Variants in OXNAD1 observed in about 807,000 individuals in gnomAD.
OXNAD1 encodes oxidoreductase NAD binding domain containing 1.
Under a neutral mutation model 32.9 loss-of-function variants are expected in OXNAD1, and 34 were observed. The observed-to-expected ratio is 1.03, with a 90% confidence interval of 0.79 to 1.38. The LOEUF is 1.38. Ranked by LOEUF, OXNAD1 falls within the 40% of genes most tolerant of loss-of-function variation. OXNAD1 has a pLI of 0.00. For missense variants in OXNAD1, 407 were observed against 379.4 expected, an observed-to-expected ratio of 1.07 and a Z score of -0.60; for synonymous variants, 134 against 135.2, an observed-to-expected ratio of 0.99 and a Z score of 0.06.
In OXNAD1 at chr3:16,334,832, T is replaced by G. The variant is rs2070692837; in HGVS notation, c.*31-2280T>G. On this transcript the variant is annotated intron_variant, in intron 9 of 9. Transcript: ENST00000435829. This position sits in a 1 kb window ranked among gnomAD's most constrained non-coding sequence, Gnocchi z 4.3. Reference sequence around the variant, plus strand: ...TAAGGATCTTGAGATGGAGAGTTTATCCAGGATTATCCAGGTGTGCCCAGT... The same window carrying G: ...TAAGGATCTTGAGATGGAGAGTTTAGCCAGGATTATCCAGGTGTGCCCAGT... 1.3e-5 allele frequency among the ~76,000 whole-genome samples: 2 copies of G among 152,164 alleles called. No homozygotes were observed. Among genetic ancestry groups the G allele is most frequent in the Admixed American group, 6.5e-5 (1 of 15,282 alleles).
Position 16,302,609 on chromosome 3 carries a change from G to T in OXNAD1, c.676-31G>T, listed in dbSNP as rs753025032. On this transcript the variant is annotated intron_variant, in intron 7 of 8. Coordinates refer to ENST00000285083, the MANE Select transcript of OXNAD1 (RefSeq NM_138381.5). The surrounding 1 kb of genome is among the most constrained non-coding windows in gnomAD (Gnocchi z 4.2). Reference sequence around the variant, plus strand: ...ACATCTGTTTTGATTTTTTAAAATTGTAGTGTGACCAAATATGTTTGACAT... The same window carrying T: ...ACATCTGTTTTGATTTTTTAAAATTTTAGTGTGACCAAATATGTTTGACAT... 17 of 1,483,514 alleles carry T rather than the reference G, an allele frequency of 1.1e-5. No homozygotes were observed. The South Asian group carries it at 1.9e-4, about 16-fold the overall frequency. 91.9% of individuals were successfully genotyped at this position (1,483,514 alleles called of 1,614,324 possible). A position where few individuals can be genotyped will look rare whatever the true frequency, so the allele number is the denominator to read the frequency against.
chr3:16,318,574 A>G (rs558659467), intron 9 of OXNAD1, among the ~76,000 whole-genome samples: 1 of 152,094 alleles, frequency 6.6e-6, no homozygotes, highest in South Asian at 2.1e-4. Flanking sequence ...CAGATAAAAC[A>G]TTTGCCCAAA....
In OXNAD1 at chr3:16,265,828, C is replaced by T; in HGVS notation, c.-159+323C>T. On this transcript the variant is annotated intron_variant, in intron 1 of 8. Coordinates refer to ENST00000285083, the MANE Select transcript of OXNAD1 (RefSeq NM_138381.5). This position sits in a 1 kb window ranked among gnomAD's most constrained non-coding sequence, Gnocchi z 4.8. ...ACCTGGGAAATAATGAAGAGCTTGT[C>T]TGTCTCCAAAGCCCAGGAACAAATT... 1.0e-6 allele frequency: 1 copy of T among 977,766 alleles called. No individual in the cohort carries two copies. The highest frequency in any genetic ancestry group is 1.2e-6 in the Non-Finnish European group (1 of 823,028). 60.6% of individuals were successfully genotyped at this position (977,766 alleles called of 1,614,324 possible).
rs144547449 is a variant in OXNAD1, at chr3:16,290,216, G to C, written c.290+3768G>C. On this transcript the variant is annotated intron_variant, in intron 5 of 8. Coordinates refer to ENST00000285083, the MANE Select transcript of OXNAD1 (RefSeq NM_138381.5). This position sits in a 1 kb window ranked among gnomAD's most constrained non-coding sequence, Gnocchi z 4.2. ...CTCACTCATTGGGTATATAGTAAGG[G>C]CTTTAACTCATGGCTCCAAGAGTGC... 8.4e-4 allele frequency among the ~76,000 whole-genome samples: 128 copies of C among 152,320 alleles called. No individual in the cohort carries two copies. Among genetic ancestry groups the C allele is most frequent in the South Asian group, 1.0e-3 (5 of 4,826 alleles).
chr3:16,273,280 A>G (rs1177311251), intron 4 of OXNAD1, among the ~76,000 whole-genome samples: 4 of 152,208 alleles, frequency 2.6e-5, no homozygotes, highest in African/African-American at 9.6e-5. Context: ...TTCCAGGACC[A>G]AAAACTTGTT....
rs1210123479 is a variant in OXNAD1 at position 16,303,015 on chromosome 3, A to G, written c.784+267A>G. On this transcript the variant is annotated intron_variant, in intron 8 of 8. Transcript: ENST00000285083. The surrounding 1 kb of genome is among the most constrained non-coding windows in gnomAD (Gnocchi z 4.8). ...ACTGTAGTGTCCATACAAATAATTT[A>G]TATTCCAGATTTGGCTGAATTGATT... is the stretch of plus-strand genomic sequence containing the variant. Among the ~76,000 whole-genome samples, 2 of 152,236 alleles carry G rather than the reference A, an allele frequency of 1.3e-5. No individual in the cohort carries two copies. Among genetic ancestry groups the G allele is most frequent in the African/African-American group, 4.8e-5 (2 of 41,458 alleles).
chr3:16,339,834 A>T (rs572534175), downstream of OXNAD1: 1 of 152,314 alleles, frequency 6.6e-6, no homozygotes, highest in South Asian at 2.1e-4. Flanking sequence ...TTCGATAATT[A>T]GTTGTTGAGT....
At position 16,275,573 on chromosome 3, in the gene OXNAD1, A is replaced by AAAAAG. The variant is rs138915463; in HGVS notation, c.183+3869_183+3873dup. ...GGCAGAGCAAGACCCTGTCTCTTTA[A>AAAAAG]AAAAGAAAAGAAAAGAAAAGAATCT... On this transcript the variant is annotated intron_variant, in intron 4 of 8. Transcript: ENST00000285083. The AAAAAG allele has an allele frequency of 3.7e-3, 570 of 154,684 alleles. 1 individual carries two copies. The highest frequency in any genetic ancestry group is 3.3e-3 in the Non-Finnish European group (223 of 68,574). 9.6% of individuals were successfully genotyped at this position (154,684 alleles called of 1,614,324 possible).
chr3:16,343,756 C>T (rs538920233), intron 9 of OXNAD1, among the ~76,000 whole-genome samples: 1 of 152,310 alleles, frequency 6.6e-6, no homozygotes, highest in East Asian at 1.9e-4. Context: ...TAATGTGGAT[C>T]CAGAAACCAT....
chr3:16,282,037 A>ATTTT (rs779324288), intron 4 of OXNAD1, among the ~76,000 whole-genome samples: 218 of 95,636 alleles, frequency 2.3e-3, no homozygotes, highest in Non-Finnish European at 2.8e-3. Context: ...AATGTTTGTA[A>ATTTT]TTTTTTTTTT....
intron 2 of OXNAD1, among the ~76,000 whole-genome samples, chr3:16,269,819 GAAAA>G (rs1286529281): frequency 5.3e-5 from 8 of 151,812 alleles, no homozygotes; most frequent in Admixed American, 3.9e-4. Flanking sequence ...AAAAAGCTCA[GAAAA>G]AAAAGTATTC....
chr3:16,332,326 C>G (rs746162802), intron 9 of OXNAD1, among the ~76,000 whole-genome samples: 1 of 128,406 alleles, frequency 7.8e-6, no homozygotes, highest in Non-Finnish European at 1.7e-5. Flanking sequence ...GAGAGATTTC[C>G]TTCATTTTGT....
At chr3:16,266,999 A>G (rs920218628) in intron 1 of OXNAD1, among the ~76,000 whole-genome samples, 1 of 152,226 alleles carries the variant, frequency 6.6e-6, no homozygotes, top group Non-Finnish European at 1.5e-5. Context: ...TGTTGGAGCA[A>G]GAGGAGCCCT....
downstream of OXNAD1, among the ~76,000 whole-genome samples, chr3:16,350,648 G>A (rs761241019): frequency 3.9e-5 from 6 of 152,132 alleles, no homozygotes; most frequent in Non-Finnish European, 8.8e-5. Context: ...TGACTTCCTC[G>A]TTACTCACCT....
At chr3:16,281,927 C>A (rs1424278472) in intron 4 of OXNAD1, among the ~76,000 whole-genome samples, 1 of 125,056 alleles carries the variant, frequency 8.0e-6, no homozygotes, top group African/African-American at 3.1e-5. Context: ...GAGACAGGGT[C>A]TCACTTGGCT....
rs1166949638 is a variant in OXNAD1 at position 16,314,898 on chromosome 3, A to G, written c.*30+11306A>G. ...ATCATGATCCTTTAAGATATGTGCC[A>G]AGAGATAATGTTTTTATTAAATCAA... On this transcript the variant is annotated intron_variant, in intron 9 of 9. Transcript: ENST00000435829. This position sits in a 1 kb window ranked among gnomAD's most constrained non-coding sequence, Gnocchi z 4.4. 1 of 152,226 alleles carries G rather than the reference A, an allele frequency of 6.6e-6. No homozygotes were observed. Among genetic ancestry groups the G allele is most frequent in the Non-Finnish European group, 1.5e-5 (1 of 68,046 alleles). 9.4% of individuals were successfully genotyped at this position (152,226 alleles called of 1,614,324 possible). A position where few individuals can be genotyped will look rare whatever the true frequency, so the allele number is the denominator to read the frequency against.
At position 16,290,240 on chromosome 3, in the gene OXNAD1, G is replaced by A. The variant is rs543775242; in HGVS notation, c.290+3792G>A. On this transcript the variant is annotated intron_variant, in intron 5 of 8. Transcript: ENST00000285083. This position sits in a 1 kb window ranked among gnomAD's most constrained non-coding sequence, Gnocchi z 4.2. ...GGCTTTAACTCATGGCTCCAAGAGTGCTCATCCTGCAAAGGACATTTTTAA... is the reference window on the plus strand; with the variant it reads ...GGCTTTAACTCATGGCTCCAAGAGTACTCATCCTGCAAAGGACATTTTTAA... Among the ~76,000 whole-genome samples the A allele has an allele frequency of 1.3e-5, 2 of 152,310 alleles. No homozygotes were observed. Among genetic ancestry groups the A allele is most frequent in the East Asian group, 3.9e-4 (2 of 5,186 alleles).
At chr3:16,281,895 CT>C (rs1213407558) in intron 4 of OXNAD1, among the ~76,000 whole-genome samples, 2,773 of 110,516 alleles carry the variant, frequency 0.025, 32 homozygotes, top group East Asian at 0.11. Context: ...AATAACATTT[CT>C]TTTTTTTTTT....
intron 9 of OXNAD1, among the ~76,000 whole-genome samples, chr3:16,332,546 G>A (rs886751949): frequency 1.3e-5 from 2 of 152,018 alleles, no homozygotes; most frequent in Non-Finnish European, 2.9e-5. Flanking sequence ...TGGGGAACTA[G>A]GGATCTTACC....
Sources: allele counts gnomAD v4.1 joint callset (sites outside exome capture counted in the v4.1 genomes callset), GRCh38; gene constraint gnomAD v4.1.1; non-coding constraint Gnocchi (gnomAD v3.1); transcripts MANE v1.5; gene names NCBI Gene and HGNC (gene_info 2026-07-23, HGNC 2026-07-21).